TENM3: variants seen among roughly 807,000 people sequenced by gnomAD.
TENM3 encodes teneurin-3.
TENM3 carries 63 observed loss-of-function variants against 255.1 expected under a neutral mutation model. The ratio of observed to expected loss-of-function variants is 0.25; its 90% confidence interval spans 0.20 to 0.30. The LOEUF is 0.30. Ranked by LOEUF, TENM3 falls within the 10% of genes least tolerant of loss-of-function variation. The probability of loss-of-function intolerance (pLI) is 1.00; values close to 1 mark genes in which losing one functional copy is unlikely to be tolerated. For synonymous variants in TENM3, 1,306 were observed against 1,322.3 expected (o/e 0.99, Z 0.27); for missense variants, 2,929 against 3,461.1 (o/e 0.85, Z 3.86).
At chr4:181,706,819 A>G in the TENM3 span, among the ~76,000 whole-genome samples, 4 of 152,066 alleles carry the variant, frequency 2.6e-5, no homozygotes, top group South Asian at 6.2e-4. Flanking sequence ...TTCTGGCTGG[A>G]TTTTCTCCAT....
the TENM3 span, among the ~76,000 whole-genome samples, chr4:181,534,423 G>GAAC: frequency 9.9e-5 from 15 of 152,142 alleles, no homozygotes; most frequent in Admixed American, 2.0e-4. Context: ...TCCTTTGGTG[G>GAAC]TCATGTTGTC....
rs879842356 is a variant in TENM3 at position 182,615,730 on chromosome 4, GA to G, written c.750-12909del. ...TAAAAAAAGGGGGATGTTGAAAAGT[GA>G]AAAAAAAAAAAGAGTGAGATGACAT... is the stretch of plus-strand genomic sequence containing the variant. On this transcript the variant is annotated intron_variant, in intron 4 of 27. Transcript: ENST00000511685. Among the ~76,000 whole-genome samples the G allele has an allele frequency of 5.0e-3, 678 of 136,416 alleles. 2 individuals carry two copies. Among genetic ancestry groups the G allele is most frequent in the Admixed American group, 9.2e-3 (125 of 13,550 alleles). The allele number at this position is 136,416 out of a possible 152,430, so 89.5% of individuals were successfully genotyped here. A position where few individuals can be genotyped will look rare whatever the true frequency, so the allele number is the denominator to read the frequency against.
the TENM3 span, among the ~76,000 whole-genome samples, chr4:181,839,380 T>TAC: frequency 0.014 from 538 of 39,412 alleles, 32 homozygotes; most frequent in Middle Eastern, 0.048. Context: ...TATATATATA[T>TAC]ATATACACCT....
At chr4:181,735,173 A>AT in the TENM3 span, among the ~76,000 whole-genome samples, 20 of 152,128 alleles carry the variant, frequency 1.3e-4, no homozygotes, top group African/African-American at 3.4e-4. Context: ...ACTAACTGCC[A>AT]TTTTTTTATT....
intron 1 of TENM3, among the ~76,000 whole-genome samples, chr4:182,318,397 A>G (rs902622829): frequency 4.6e-5 from 7 of 152,216 alleles, no homozygotes; most frequent in African/African-American, 1.4e-4. Flanking sequence ...AATTAAAAGT[A>G]TTTCATCAGG....
At chr4:182,743,529 T>C in intron 19 of TENM3, 110 bp downstream of exon 19, 3 of 1,243,820 alleles carry the variant, frequency 2.4e-6, no homozygotes, top group Non-Finnish European at 3.4e-6. Context: ...ATCCTAAGGT[T>C]TAAAATTTCC....
intron 3 of TENM3, among the ~76,000 whole-genome samples, chr4:182,561,296 T>C (rs1743148025): frequency 6.6e-6 from 1 of 151,706 alleles, no homozygotes; most frequent in African/African-American, 2.4e-5. Context: ...ATAAAAATGA[T>C]TTTAAAAATT....
At chr4:182,230,214 A>G (rs911073459) in intron 1 of TENM3, among the ~76,000 whole-genome samples, 2 of 151,710 alleles carry the variant, frequency 1.3e-5, no homozygotes, top group African/African-American at 2.4e-5. Flanking sequence ...GTTCAGGGGC[A>G]TGGCTCCAGC....
the TENM3 span, among the ~76,000 whole-genome samples, chr4:181,959,236 C>G: frequency 6.6e-6 from 1 of 152,184 alleles, no homozygotes; most frequent in African/African-American, 2.4e-5. Flanking sequence ...TCCCCACATT[C>G]CAGGCCCCCA....
At chr4:182,234,201 A>G (rs1756752842) in intron 1 of TENM3, among the ~76,000 whole-genome samples, 1 of 152,110 alleles carries the variant, frequency 6.6e-6, no homozygotes, top group Admixed American at 6.5e-5. Flanking sequence ...CCTCTGTCTT[A>G]GAGGTGAGAA....
chr4:181,736,982 T>C, the TENM3 span, among the ~76,000 whole-genome samples: 1 of 152,062 alleles, frequency 6.6e-6, no homozygotes. Context: ...TTGGACCAAG[T>C]CGAGTATCTA....
intron 22 of TENM3, among the ~76,000 whole-genome samples, chr4:182,765,199 G>A (rs917549404): frequency 6.6e-6 from 1 of 152,144 alleles, no homozygotes; most frequent in African/African-American, 2.4e-5. Flanking sequence ...GAGCTATTGA[G>A]AGAGCCGAAG....
the TENM3 span, among the ~76,000 whole-genome samples, chr4:181,640,727 G>A: frequency 6.6e-6 from 1 of 152,158 alleles, no homozygotes; most frequent in Non-Finnish European, 1.5e-5. Flanking sequence ...TGGCTGATGG[G>A]AACTATAGGA....
At chr4:182,708,976 TTTG>T (rs1254666458) in intron 12 of TENM3, among the ~76,000 whole-genome samples, 3 of 152,048 alleles carry the variant, frequency 2.0e-5, no homozygotes, top group African/African-American at 7.2e-5. Flanking sequence ...TGGGTTTTTT[TTTG>T]TTTTTTGTGG....
the TENM3 span, among the ~76,000 whole-genome samples, chr4:181,615,125 C>T: frequency 1.3e-5 from 2 of 152,178 alleles, no homozygotes; most frequent in Non-Finnish European, 2.9e-5. Context: ...CCTTGAATCA[C>T]TCCTCTGGGA....
intron 11 of TENM3, among the ~76,000 whole-genome samples, chr4:182,685,566 G>A (rs1756507713): frequency 6.6e-6 from 1 of 152,024 alleles, no homozygotes; most frequent in Non-Finnish European, 1.5e-5. Flanking sequence ...TAAGCATTTA[G>A]TGTTTTCTGT....
the TENM3 span, among the ~76,000 whole-genome samples, chr4:181,812,918 G>T: frequency 1.3e-5 from 2 of 152,166 alleles, no homozygotes; most frequent in African/African-American, 2.4e-5. Flanking sequence ...ATATACCTGA[G>T]TTGGGGGGAA....
At chr4:182,411,204 C>T (rs1421218800) in intron 3 of TENM3, among the ~76,000 whole-genome samples, 1 of 152,180 alleles carries the variant, frequency 6.6e-6, no homozygotes, top group Non-Finnish European at 1.5e-5. Flanking sequence ...CTGTCAGTCA[C>T]CAGGTGGACA....
chr4:181,783,169 A>G, the TENM3 span, among the ~76,000 whole-genome samples: 1 of 152,044 alleles, frequency 6.6e-6, no homozygotes, highest in Non-Finnish European at 1.5e-5. Context: ...CAATTCCTGG[A>G]TATCCTTGTT....
Sources: allele counts gnomAD v4.1 joint callset (sites outside exome capture counted in the v4.1 genomes callset), GRCh38; gene constraint gnomAD v4.1.1; transcripts MANE v1.5; gene names NCBI Gene and HGNC (gene_info 2026-07-23, HGNC 2026-07-21).